LRRTM4: variants seen among roughly 807,000 people sequenced by gnomAD.
LRRTM4 encodes the protein leucine-rich repeat transmembrane neuronal protein 4.
In LRRTM4, 25 loss-of-function variants were observed where a neutral mutation model predicts 47.6. That is an observed-to-expected ratio of 0.53 (90% CI 0.38 to 0.73). The LOEUF is 0.73. Ranked by LOEUF, LRRTM4 falls within the 30% of genes least tolerant of loss-of-function variation. The probability of loss-of-function intolerance (pLI) is 0.00; values close to 1 mark genes in which losing one functional copy is unlikely to be tolerated. For synonymous variants in LRRTM4, 311 were observed against 269.5 expected, an observed-to-expected ratio of 1.15 and a Z score of -1.51; for missense variants, 638 against 713.4, an observed-to-expected ratio of 0.89 and a Z score of 1.20.
At chr2:77,412,050 T>C (rs924757037) in intron 3 of LRRTM4, among the ~76,000 whole-genome samples, 9 of 152,126 alleles carry the variant, frequency 5.9e-5, no homozygotes, top group African/African-American at 2.2e-4. Flanking sequence ...CTGTGGTCTT[T>C]ACATGAGTTC....
At chr2:77,023,660 A>T (rs577914396) in intron 3 of LRRTM4, among the ~76,000 whole-genome samples, 1 of 152,334 alleles carries the variant, frequency 6.6e-6, no homozygotes, top group African/African-American at 2.4e-5. Flanking sequence ...GATAAAACAT[A>T]ACAAGAGTCA....
At chr2:76,757,125 G>A (rs1423428327) in intron 3 of LRRTM4, among the ~76,000 whole-genome samples, 1 of 152,026 alleles carries the variant, frequency 6.6e-6, no homozygotes, top group African/African-American at 2.4e-5. Flanking sequence ...GCTAAAATGT[G>A]TATAGCAGAT....
intron 3 of LRRTM4, among the ~76,000 whole-genome samples, chr2:77,456,039 T>C (rs1454664682): frequency 1.3e-5 from 2 of 152,178 alleles, no homozygotes; most frequent in Non-Finnish European, 2.9e-5. Flanking sequence ...TCAACATGCG[T>C]AAATCCCTCC....
intron 3 of LRRTM4, among the ~76,000 whole-genome samples, chr2:77,079,799 T>C (rs1405072917): frequency 1.3e-5 from 2 of 152,148 alleles, no homozygotes; most frequent in Non-Finnish European, 2.9e-5. Flanking sequence ...AATAGAATGA[T>C]GGTGATTTTT....
chr2:77,007,750 A>G (rs1350704709), intron 3 of LRRTM4, among the ~76,000 whole-genome samples: 1 of 152,158 alleles, frequency 6.6e-6, no homozygotes, highest in Non-Finnish European at 1.5e-5. Context: ...AAAAGGCTAC[A>G]TGTCTTCCAT....
At chr2:76,943,953 TTTGGAC>T (rs1558753901) in intron 3 of LRRTM4, among the ~76,000 whole-genome samples, 1 of 152,128 alleles carries the variant, frequency 6.6e-6, no homozygotes, top group Non-Finnish European at 1.5e-5. Flanking sequence ...TATCCTCTTG[TTTGGAC>T]TATTTTTAAA....
At chr2:76,925,203 G>C (rs192693183) in intron 3 of LRRTM4, among the ~76,000 whole-genome samples, 18 of 152,288 alleles carry the variant, frequency 1.2e-4, no homozygotes, top group African/African-American at 4.3e-4. Context: ...GAGGGTAAAA[G>C]AGATGGAAGA....
At chr2:77,237,935 T>C (rs1675149606) in intron 3 of LRRTM4, among the ~76,000 whole-genome samples, 1 of 152,078 alleles carries the variant, frequency 6.6e-6, no homozygotes, top group African/African-American at 2.4e-5. Flanking sequence ...AGGTTCTTTA[T>C]ATATATACTC....
chr2:76,835,941 C>T (rs1009241529), intron 3 of LRRTM4, among the ~76,000 whole-genome samples: 6 of 152,050 alleles, frequency 3.9e-5, no homozygotes, highest in East Asian at 3.9e-4. Context: ...TATAGATTAG[C>T]AACGTTCTTG....
intron 3 of LRRTM4, among the ~76,000 whole-genome samples, chr2:77,020,487 C>A (rs895030721): frequency 1.3e-5 from 2 of 152,080 alleles, no homozygotes; most frequent in African/African-American, 4.8e-5. Flanking sequence ...TTCTAAGAAT[C>A]GTACATGTGT....
chr2:77,381,925 A>G (rs908432985), intron 3 of LRRTM4, among the ~76,000 whole-genome samples: 1 of 152,110 alleles, frequency 6.6e-6, no homozygotes, highest in Non-Finnish European at 1.5e-5. Flanking sequence ...AATATGGTAC[A>G]TATAATAAAT....
rs59399563 is a variant in LRRTM4, at chr2:77,128,395, CAGATAGAT to C, written c.1552-379487_1552-379480del. 4.6e-5 allele frequency among the ~76,000 whole-genome samples: 7 copies of C among 150,552 alleles called. No individual in the cohort carries two copies. In the South Asian group the frequency reaches 6.3e-4, roughly 14 times the overall value. Reference sequence around the variant, plus strand: ...GGGCCAAAATTTTGAAATTCTGTAACAGATAGATAGATAGATAGATAGATAGAGAAATG... The same window carrying C: ...GGGCCAAAATTTTGAAATTCTGTAACAGATAGATAGATAGATAGAGAAATG... On this transcript the variant is annotated intron_variant, in intron 3 of 3. Coordinates refer to ENST00000409884, the MANE Select transcript of LRRTM4 (RefSeq NM_001134745.3).
At chr2:77,313,805 A>T (rs577526773) in intron 3 of LRRTM4, among the ~76,000 whole-genome samples, 2 of 152,142 alleles carry the variant, frequency 1.3e-5, no homozygotes, top group African/African-American at 4.8e-5. Context: ...CCTAAACATC[A>T]ATGATTCTTC....
chr2:76,768,315 C>G (rs1308379614), intron 3 of LRRTM4, among the ~76,000 whole-genome samples: 1 of 152,052 alleles, frequency 6.6e-6, no homozygotes, highest in Non-Finnish European at 1.5e-5. Context: ...CAAATACACA[C>G]AACACTTAAT....
Position 77,184,109 on chromosome 2 carries a change from T to C in LRRTM4, c.1551+334209A>G, listed in dbSNP as rs554862284. Among the ~76,000 whole-genome samples, 15 of 151,794 alleles carry C rather than the reference T, an allele frequency of 9.9e-5. No homozygotes were observed. The East Asian group carries it at 2.1e-3, about 22-fold the overall frequency. On this transcript the variant is annotated intron_variant, in intron 3 of 3. Coordinates refer to ENST00000409884, the MANE Select transcript of LRRTM4 (RefSeq NM_001134745.3). ...ACAAAAAGATAATAATAAAAGTACA[T>C]GTAGAAAAAATAATCAGAATATATC...
chr2:76,805,073 C>G (rs2103789791), intron 3 of LRRTM4, among the ~76,000 whole-genome samples: 1 of 152,108 alleles, frequency 6.6e-6, no homozygotes, highest in South Asian at 2.1e-4. Flanking sequence ...TTCTCAAAAC[C>G]TCTTGAAAAG....
At chr2:77,453,529 T>C (rs917910949) in intron 3 of LRRTM4, among the ~76,000 whole-genome samples, 1 of 152,160 alleles carries the variant, frequency 6.6e-6, no homozygotes. Flanking sequence ...AGTCATTGGA[T>C]AGAAAAATTC....
At chr2:77,260,957 A>G (rs1338235000) in intron 3 of LRRTM4, among the ~76,000 whole-genome samples, 1 of 151,850 alleles carries the variant, frequency 6.6e-6, no homozygotes, top group Admixed American at 6.6e-5. Flanking sequence ...CTATATTCAC[A>G]TATATTATAC....
chr2:77,302,142 T>G (rs909033190), intron 3 of LRRTM4, among the ~76,000 whole-genome samples: 1 of 152,192 alleles, frequency 6.6e-6, no homozygotes, highest in African/African-American at 2.4e-5. Flanking sequence ...TAGTCATCAC[T>G]GCAAACTCAC....
Sources: gnomAD v4.1 joint callset for allele counts (sites outside exome capture counted in the v4.1 genomes callset) on GRCh38, gnomAD v4.1.1 for gene constraint, MANE v1.5 for transcripts, NCBI Gene and HGNC (gene_info 2026-07-23, HGNC 2026-07-21) for gene names.